Variants in FTO observed in about 807,000 individuals in gnomAD.
FTO encodes the protein alpha-ketoglutarate-dependent dioxygenase FTO.
Under a neutral mutation model 63.9 loss-of-function variants are expected in FTO, and 47 were observed. The observed-to-expected ratio is 0.74, with a 90% CI of 0.58 to 0.94. The LOEUF is 0.94. FTO is among the 40% of genes least tolerant of loss of function. The probability of loss-of-function intolerance (pLI) is 0.00; values close to 1 mark genes in which losing one functional copy is unlikely to be tolerated. For missense variants in FTO, 562 were observed against 618.1 expected (o/e 0.91, Z 0.96); for synonymous variants, 207 against 224.4 (o/e 0.92, Z 0.69).
intron 8 of FTO, among the ~76,000 whole-genome samples, chr16:53,953,906 AGCTATG>A (rs1032636313): frequency 6.6e-6 from 1 of 152,258 alleles, no homozygotes; most frequent in African/African-American, 2.4e-5. Context: ...TGGTGATGCC[AGCTATG>A]GCTGAATTCT....
chr16:53,754,746 A>G (rs16952508), intron 1 of FTO, among the ~76,000 whole-genome samples: 2,054 of 152,318 alleles, frequency 0.013, 54 homozygotes, highest in African/African-American at 0.047. Flanking sequence ...TACCTCAACA[A>G]CGAAGTACTT....
At position 53,931,454 on chromosome 16, in the gene FTO, C is replaced by T. The variant is rs2082282035; in HGVS notation, c.1240-2531C>T. ...CCCGAATAGCTGGGATTATAGACGCCTGCCACCACACCCAGCTAATTTTCT... is the reference window on the plus strand; with the variant it reads ...CCCGAATAGCTGGGATTATAGACGCTTGCCACCACACCCAGCTAATTTTCT... On this transcript the variant is annotated intron_variant, in intron 7 of 8. Transcript: ENST00000471389. Among the ~76,000 whole-genome samples, 3 of 151,826 alleles carry T rather than the reference C, an allele frequency of 2.0e-5. No homozygotes were observed. The South Asian group carries it at 6.3e-4, about 32-fold the overall frequency.
Position 53,797,281 on chromosome 16 carries a change from G to C in FTO, c.46-12859G>C, listed in dbSNP as rs1365784074. Among the ~76,000 whole-genome samples, 4 of 152,042 alleles carry C rather than the reference G, an allele frequency of 2.6e-5. No homozygotes were observed. In the East Asian group the frequency reaches 7.7e-4, roughly 29 times the overall value. ...GTCCATAAGTTTAATAAACCATTAGGGTTTACTTTTGGTGGTATATATTGT... is the reference window on the plus strand; with the variant it reads ...GTCCATAAGTTTAATAAACCATTAGCGTTTACTTTTGGTGGTATATATTGT... On this transcript the variant is annotated intron_variant, in intron 1 of 8. Transcript: ENST00000471389.
chr16:54,034,723 C>T (rs986494844), intron 8 of FTO, among the ~76,000 whole-genome samples: 45 of 152,318 alleles, frequency 3.0e-4, no homozygotes, highest in African/African-American at 1.1e-3. Flanking sequence ...ACTATACTTT[C>T]CTACAATCAT....
intron 8 of FTO, among the ~76,000 whole-genome samples, chr16:54,022,461 C>A (rs184235736): frequency 6.6e-6 from 1 of 152,118 alleles, no homozygotes; most frequent in East Asian, 1.9e-4. Flanking sequence ...GTCTCTTGAC[C>A]TTCTAATTAC....
intron 8 of FTO, among the ~76,000 whole-genome samples, chr16:53,956,959 C>T (rs2082946445): frequency 6.6e-6 from 1 of 152,232 alleles, no homozygotes; most frequent in African/African-American, 2.4e-5. Flanking sequence ...ACCACCGCAC[C>T]TGGTCCCACT....
intron 4 of FTO, among the ~76,000 whole-genome samples, chr16:53,864,136 G>T (rs527720739): frequency 6.6e-6 from 1 of 152,100 alleles, no homozygotes; most frequent in African/African-American, 2.4e-5. Flanking sequence ...GGAAAAACAA[G>T]GTCATAAATA....
At chr16:53,795,589 A>G (rs1412551389) in intron 1 of FTO, among the ~76,000 whole-genome samples, 2 of 152,194 alleles carry the variant, frequency 1.3e-5, no homozygotes, top group Admixed American at 1.3e-4. Context: ...GATTACAGGC[A>G]TGAGCCTCTA....
intron 8 of FTO, among the ~76,000 whole-genome samples, chr16:54,086,856 G>A (rs372371117): frequency 1.9e-4 from 29 of 152,322 alleles, no homozygotes; most frequent in African/African-American, 6.0e-4. Context: ...GGGAGGGGTC[G>A]TGAACTGAAC....
At chr16:53,955,797 G>C (rs2082915145) in intron 8 of FTO, among the ~76,000 whole-genome samples, 1 of 152,150 alleles carries the variant, frequency 6.6e-6, no homozygotes, top group Non-Finnish European at 1.5e-5. Flanking sequence ...TAAGTAGTCA[G>C]TGTGAATTGG....
chr16:54,065,903 G>A (rs540897956), intron 8 of FTO, among the ~76,000 whole-genome samples: 1 of 152,288 alleles, frequency 6.6e-6, no homozygotes, highest in South Asian at 2.1e-4. Flanking sequence ...TTTGGAACCC[G>A]TATGCCAGCA....
chr16:53,860,738 C>T (rs554542460), intron 4 of FTO, among the ~76,000 whole-genome samples: 3 of 152,222 alleles, frequency 2.0e-5, no homozygotes, highest in Non-Finnish European at 2.9e-5. Flanking sequence ...CACCTCCCAC[C>T]AGAACTCATC....
At chr16:53,966,043 T>G (rs1567480142) in intron 8 of FTO, among the ~76,000 whole-genome samples, 1 of 152,166 alleles carries the variant, frequency 6.6e-6, no homozygotes, top group East Asian at 1.9e-4. Context: ...AATTTTTGTG[T>G]TTTTAGTAGA....
chr16:53,890,696 C>G (rs1353078133), intron 7 of FTO, among the ~76,000 whole-genome samples: 7 of 152,170 alleles, frequency 4.6e-5, no homozygotes, highest in Non-Finnish European at 2.9e-5. Flanking sequence ...CATTGTGAAA[C>G]TGAATTGGAG....
intron 8 of FTO, chr16:53,991,621 A>G (rs1484350944): frequency 6.6e-6 from 1 of 152,200 alleles, no homozygotes; most frequent in African/African-American, 2.4e-5. Flanking sequence ...ACATGTGAAA[A>G]TTGAGCTGCT....
intron 4 of FTO, among the ~76,000 whole-genome samples, chr16:53,847,266 T>G (rs979529946): frequency 5.3e-5 from 8 of 152,174 alleles, no homozygotes; most frequent in Admixed American, 5.2e-4. Flanking sequence ...CAGCCCTCCT[T>G]CTCCCGTAGG....
At chr16:53,766,880 A>G (rs544417962) in intron 1 of FTO, among the ~76,000 whole-genome samples, 1 of 152,292 alleles carries the variant, frequency 6.6e-6, no homozygotes, top group Non-Finnish European at 1.5e-5. Flanking sequence ...TCTAAGCCCA[A>G]CAAACGCGTT....
intron 8 of FTO, among the ~76,000 whole-genome samples, chr16:54,092,714 G>A (rs1014307552): frequency 4.6e-5 from 7 of 152,152 alleles, no homozygotes; most frequent in Non-Finnish European, 7.3e-5. Context: ...ATTCCCAGAC[G>A]CTTACATGAG....
chr16:54,095,670 G>A (rs1158259194), intron 8 of FTO, among the ~76,000 whole-genome samples: 2 of 152,170 alleles, frequency 1.3e-5, no homozygotes, highest in African/African-American at 2.4e-5. Context: ...GTGAGATCCA[G>A]ATGGAGGGGG....
Sources: allele counts gnomAD v4.1 joint callset (sites outside exome capture counted in the v4.1 genomes callset), GRCh38; gene constraint gnomAD v4.1.1; transcripts MANE v1.5; gene names NCBI Gene and HGNC (gene_info 2026-07-23, HGNC 2026-07-21).